The following MS4A4A variants were observed in gnomAD, a reference collection of about 807,000 sequenced individuals.
MS4A4A encodes the protein membrane-spanning 4-domains subfamily A member 4A.
A neutral mutation model predicts 28.0 loss-of-function variants in MS4A4A; 26 were observed. The observed-to-expected ratio is 0.93, with a 90% CI of 0.68 to 1.29. The LOEUF (loss-of-function observed/expected upper bound fraction) is 1.29. MS4A4A is among the 50% of genes most tolerant of loss of function. MS4A4A has a pLI of 0.00. For synonymous variants in MS4A4A, 86 were observed against 100.8 expected (o/e 0.85, Z 0.88); for missense variants, 290 against 293.1 (o/e 0.99, Z 0.08).
At chr11:60,296,176 A>G (rs935414734) in intron 2 of MS4A4A, among the ~76,000 whole-genome samples, 5 of 151,948 alleles carry the variant, frequency 3.3e-5, no homozygotes, top group African/African-American at 9.7e-5. Flanking sequence ...GCTTATTCAG[A>G]GTGTCTCTTC....
intron 6 of MS4A4A, among the ~76,000 whole-genome samples, chr11:60,306,937 C>CT (rs1488770608): frequency 1.3e-5 from 2 of 152,208 alleles, no homozygotes; most frequent in African/African-American, 4.8e-5. Flanking sequence ...ACCCTGAGAC[C>CT]TGCAGCTGAT....
Position 60,290,523 on chromosome 11 carries a change from C to T in MS4A4A, c.42-1702C>T, listed in dbSNP as rs116220098. On this transcript the variant is annotated intron_variant, in intron 1 of 6. Transcript: ENST00000337908. ...AATAAGAACATTGATTTTTTGGTTA[C>T]ATTCTTATATATAATTCCTTATCTT... is the stretch of plus-strand genomic sequence containing the variant. Among the ~76,000 whole-genome samples, 966 of 152,142 alleles carry T rather than the reference C, an allele frequency of 6.3e-3. 7 individuals are homozygous for T. Among genetic ancestry groups the T allele is most frequent in the African/African-American group, 0.022 (909 of 41,570 alleles).
At chr11:60,292,628 T>C (rs2084867752) in intron 2 of MS4A4A, among the ~76,000 whole-genome samples, 1 of 152,226 alleles carries the variant, frequency 6.6e-6, no homozygotes, top group Admixed American at 6.5e-5. Flanking sequence ...TCATCCATGA[T>C]AATTGTATTT....
intron 2 of MS4A4A, among the ~76,000 whole-genome samples, chr11:60,295,426 T>C (rs2084897465): frequency 6.6e-6 from 1 of 152,102 alleles, no homozygotes; most frequent in Non-Finnish European, 1.5e-5. Flanking sequence ...AGACATCATG[T>C]CGTCTGGGAA....
At chr11:60,301,849 G>A (rs538469788) in intron 4 of MS4A4A, among the ~76,000 whole-genome samples, 2 of 152,202 alleles carry the variant, frequency 1.3e-5, no homozygotes, top group African/African-American at 2.4e-5. Flanking sequence ...GCGTGATCTC[G>A]GCTCACCGCA....
In MS4A4A at chr11:60,292,218, A is replaced by C; in HGVS notation, c.42-7A>C. On this transcript the variant is annotated splice_polypyrimidine_tract_variant and splice_region_variant and intron_variant, in intron 1 of 6. Coordinates refer to ENST00000337908, the MANE Select transcript of MS4A4A (RefSeq NM_148975.3). Reference sequence around the variant, plus strand: ...GACATCATACTAAATTACATTTCTTATTGTAGCACCTTTTCTGCTGCCATG... The same window carrying C: ...GACATCATACTAAATTACATTTCTTCTTGTAGCACCTTTTCTGCTGCCATG... 1 of 1,532,248 alleles carries C rather than the reference A, an allele frequency of 6.5e-7. No homozygotes were observed. Among genetic ancestry groups the C allele is most frequent in the Non-Finnish European group, 8.7e-7 (1 of 1,144,534 alleles). The allele number at this position is 1,532,248 out of a possible 1,614,324, so 94.9% of individuals were successfully genotyped here.
chr11:60,306,324 A>G, intron 6 of MS4A4A, 123 bp downstream of exon 6: 1 of 816,442 alleles, frequency 1.2e-6, no homozygotes, highest in Non-Finnish European at 2.0e-6. Context: ...ATGGTTCAAG[A>G]GTCTGAGCCC....
intron 1 of MS4A4A, among the ~76,000 whole-genome samples, chr11:60,282,899 T>C (rs892439472): frequency 6.6e-5 from 10 of 152,142 alleles, no homozygotes; most frequent in Non-Finnish European, 1.2e-4. Context: ...ACAACATCAG[T>C]GGTGGATTGA....
Position 60,297,480 on chromosome 11 carries a change from C to G in MS4A4A, c.330+155C>G, listed in dbSNP as rs79818091. On this transcript the variant is annotated intron_variant, in intron 3 of 6. Transcript: ENST00000337908. The stretch of plus-strand genomic sequence containing the variant: ...ACTCAATTTTCTCATATTTAAAGTA[C>G]TACAAATAATATAGTATTATATTAA... Among the ~76,000 whole-genome samples the G allele has an allele frequency of 6.5e-3, 983 of 152,152 alleles. 2 individuals carry two copies. Among genetic ancestry groups the G allele is most frequent in the Non-Finnish European group, 9.9e-3 (675 of 67,982 alleles).
chr11:60,284,379 C>T (rs1450559637), intron 1 of MS4A4A, among the ~76,000 whole-genome samples: 1 of 152,228 alleles, frequency 6.6e-6, no homozygotes, highest in African/African-American at 2.4e-5. Flanking sequence ...TCCTTTAACA[C>T]TTCCTGCCAC....
chr11:60,299,692 G>C (rs11230237), intron 3 of MS4A4A, among the ~76,000 whole-genome samples: 1 of 151,430 alleles, frequency 6.6e-6, no homozygotes, highest in Non-Finnish European at 1.5e-5. Flanking sequence ...CGATCTCCTG[G>C]TCTCGTGATC....
Position 60,308,244 on chromosome 11 carries a change from C to A in MS4A4A, c.*66C>A. The A allele has an allele frequency of 6.7e-7, 1 of 1,483,696 alleles. No homozygotes were observed. The highest frequency in any genetic ancestry group is 9.4e-7 in the Non-Finnish European group (1 of 1,064,944). 91.9% of individuals were successfully genotyped at this position (1,483,696 alleles called of 1,614,324 possible). ...TGCTGACTGTGACACAAGAGCCTCA[C>A]ATGAGAAATTACCAGTATCCAACTT... On this transcript the variant is annotated 3_prime_UTR_variant, in exon 7 of 7. Transcript: ENST00000337908.
chr11:60,287,284 A>C (rs1168027609), intron 1 of MS4A4A, among the ~76,000 whole-genome samples: 1 of 152,234 alleles, frequency 6.6e-6, no homozygotes, highest in Non-Finnish European at 1.5e-5. Context: ...AAAGGCATGC[A>C]TGGTGTAAAC....
intron 2 of MS4A4A, among the ~76,000 whole-genome samples, chr11:60,293,238 A>G (rs1204766997): frequency 6.6e-6 from 1 of 152,076 alleles, no homozygotes; most frequent in Non-Finnish European, 1.5e-5. Context: ...TTGTATTTTT[A>G]GTAGAGACGG....
chr11:60,284,631 G>A (rs761236071), intron 1 of MS4A4A, among the ~76,000 whole-genome samples: 31 of 152,186 alleles, frequency 2.0e-4, no homozygotes, highest in Non-Finnish European at 2.2e-4. Flanking sequence ...ACAAGACTAT[G>A]CAGAGGCGGG....
chr11:60,289,569 T>C (rs2084833188), intron 1 of MS4A4A, among the ~76,000 whole-genome samples: 1 of 144,324 alleles, frequency 6.9e-6, no homozygotes, highest in African/African-American at 2.6e-5. Context: ...TTCATTGTTT[T>C]GGGGAGTGTG....
At chr11:60,304,340 T>C (rs1043724601) in intron 5 of MS4A4A, among the ~76,000 whole-genome samples, 6 of 152,252 alleles carry the variant, frequency 3.9e-5, no homozygotes, top group African/African-American at 1.4e-4. Flanking sequence ...AGCCCTGTGC[T>C]TGATCTAATG....
Position 60,297,406 on chromosome 11 carries a change from C to A in MS4A4A, c.330+81C>A. 3.4e-6 allele frequency: 5 copies of A among 1,487,848 alleles called. No homozygotes were observed. The South Asian group carries it at 4.9e-5, about 15-fold the overall frequency. 92.2% of individuals were successfully genotyped at this position (1,487,848 alleles called of 1,614,324 possible). A position where few individuals can be genotyped will look rare whatever the true frequency, so the allele number is the denominator to read the frequency against. On this transcript the variant is annotated intron_variant, in intron 3 of 6. Coordinates refer to ENST00000337908, the MANE Select transcript of MS4A4A (RefSeq NM_148975.3). The stretch of plus-strand genomic sequence containing the variant: ...CCTGATCTTTGGAATCCTATTCTAA[C>A]CGTATCTTGTAATTCTGTAAATCTG...
chr11:60,288,150 G>A (rs769752800), intron 1 of MS4A4A, among the ~76,000 whole-genome samples: 1 of 152,180 alleles, frequency 6.6e-6, no homozygotes, highest in Non-Finnish European at 1.5e-5. Flanking sequence ...ACTCAGCATT[G>A]CCCTGATGGA....
Sources: gnomAD v4.1 joint callset for allele counts (sites outside exome capture counted in the v4.1 genomes callset) on GRCh38, gnomAD v4.1.1 for gene constraint, MANE v1.5 for transcripts, NCBI Gene and HGNC (gene_info 2026-07-23, HGNC 2026-07-21) for gene names.